Variants in MAGI2 observed in about 807,000 individuals in gnomAD.
MAGI2 encodes the protein membrane-associated guanylate kinase, WW and PDZ domain-containing protein 2.
In MAGI2, 35 loss-of-function variants were observed where a neutral mutation model predicts 133.3. The ratio of observed to expected loss-of-function variants is 0.26; its 90% CI spans 0.20 to 0.35. The LOEUF is 0.35. MAGI2 is among the 10% of genes least tolerant of loss of function. The pLI is 1.00. For missense variants in MAGI2, 1,636 were observed against 1,863.4 expected (o/e 0.88, Z 2.25); for synonymous variants, 729 against 710.6 (o/e 1.03, Z -0.41).
chr7:78,920,807 A>G (rs998831279), intron 2 of MAGI2, among the ~76,000 whole-genome samples: 1 of 152,168 alleles, frequency 6.6e-6, no homozygotes, highest in Non-Finnish European at 1.5e-5. Flanking sequence ...TGCAGGACGA[A>G]CCACACCTGA....
intron 3 of MAGI2, among the ~76,000 whole-genome samples, chr7:78,573,734 G>T (rs1443425221): frequency 2.0e-5 from 3 of 151,934 alleles, no homozygotes; most frequent in African/African-American, 7.3e-5. Context: ...ATCTGTGCGA[G>T]TGGGTGGGGC....
intron 2 of MAGI2, among the ~76,000 whole-genome samples, chr7:78,935,943 G>A (rs972765933): frequency 2.0e-5 from 3 of 152,094 alleles, no homozygotes; most frequent in African/African-American, 7.2e-5. Context: ...ACCCAGCTGT[G>A]CTGAACTTTT....
rs1414403705 is a variant in MAGI2, at chr7:78,159,928, C to T, written c.2845+97G>A. ...TGGCTTTCAGGCTATACAGTATGTC[C>T]GTGACAGTCTTCTGATATACTTGTC... On this transcript the variant is annotated intron_variant, in intron 16 of 21. Coordinates refer to ENST00000354212, the MANE Select transcript of MAGI2 (RefSeq NM_012301.4). 1.5e-5 allele frequency: 22 copies of T among 1,451,152 alleles called. 1 individual carries two copies. Among genetic ancestry groups the T allele is most frequent in the African/African-American group, 9.9e-5 (7 of 70,724 alleles). 89.9% of individuals were successfully genotyped at this position (1,451,152 alleles called of 1,614,324 possible). A position where few individuals can be genotyped will look rare whatever the true frequency, so the allele number is the denominator to read the frequency against.
chr7:79,395,531 C>T (rs1375565281), intron 1 of MAGI2, among the ~76,000 whole-genome samples: 1 of 152,116 alleles, frequency 6.6e-6, no homozygotes, highest in Non-Finnish European at 1.5e-5. Context: ...CAGAGAGCCC[C>T]AGAGAGGTCT....
intron 10 of MAGI2, among the ~76,000 whole-genome samples, chr7:78,209,221 C>CAAAAAAAAAAAAAAAAAA (rs370809243): frequency 1.9e-4 from 2 of 10,626 alleles, no homozygotes; most frequent in Non-Finnish European, 3.3e-4. Context: ...GACTCTGTCT[C>CAAAAAAAAAAAAAAAAAA]AAAAAAAAAA....
intron 2 of MAGI2, among the ~76,000 whole-genome samples, chr7:78,674,383 A>G (rs9886142): frequency 0.13 from 19,069 of 152,048 alleles, 1,458 homozygotes; most frequent in African/African-American, 0.2. Flanking sequence ...GCAAATACTT[A>G]TGGCATGCCT....
chr7:78,536,140 TCTCG>T (rs1457248792), intron 3 of MAGI2, among the ~76,000 whole-genome samples: 1 of 102,086 alleles, frequency 9.8e-6, no homozygotes, highest in Non-Finnish European at 1.8e-5. Flanking sequence ...TGAGACGGAG[TCTCG>T]CTCTGTCGCC....
At chr7:78,937,596 G>A (rs188916601) in intron 2 of MAGI2, among the ~76,000 whole-genome samples, 290 of 152,150 alleles carry the variant, frequency 1.9e-3, no homozygotes, top group Non-Finnish European at 2.1e-3. Flanking sequence ...TAAAGTTAAC[G>A]TCACCATCAC....
At chr7:79,423,900 T>G (rs1401450139) in intron 1 of MAGI2, among the ~76,000 whole-genome samples, 1 of 152,140 alleles carries the variant, frequency 6.6e-6, no homozygotes, top group Non-Finnish European at 1.5e-5. Context: ...TAGCAACATC[T>G]AGGAAGAGTT....
intron 6 of MAGI2, among the ~76,000 whole-genome samples, chr7:78,391,455 TG>T (rs1442883937): frequency 6.6e-6 from 1 of 152,230 alleles, no homozygotes; most frequent in African/African-American, 2.4e-5. Flanking sequence ...TGAATTGTAA[TG>T]CCATCTGCCA....
At chr7:78,873,933 T>A (rs925366759) in intron 2 of MAGI2, among the ~76,000 whole-genome samples, 1 of 152,156 alleles carries the variant, frequency 6.6e-6, no homozygotes, top group Non-Finnish European at 1.5e-5. Context: ...AGTCATTAAT[T>A]ATTTCCAGAT....
chr7:78,160,623 T>C (rs1010954411), intron 15 of MAGI2, among the ~76,000 whole-genome samples: 1 of 152,160 alleles, frequency 6.6e-6, no homozygotes, highest in African/African-American at 2.4e-5. Flanking sequence ...TTACTGAAGA[T>C]GGTCACAAAA....
chr7:78,058,836 T>C (rs73362606), intron 21 of MAGI2, among the ~76,000 whole-genome samples: 21,429 of 152,172 alleles, frequency 0.14, 1,617 homozygotes, highest in African/African-American at 0.19. Flanking sequence ...TCTTGAAAGG[T>C]TGCACAGCTA....
chr7:78,924,442 A>T (rs1799521854), intron 2 of MAGI2, among the ~76,000 whole-genome samples: 1 of 152,080 alleles, frequency 6.6e-6, no homozygotes, highest in African/African-American at 2.4e-5. Flanking sequence ...TTCTGCATCT[A>T]TTGAGATAAT....
intron 1 of MAGI2, among the ~76,000 whole-genome samples, chr7:79,076,332 C>T (rs750987312): frequency 6.6e-5 from 10 of 152,168 alleles, no homozygotes; most frequent in Admixed American, 1.3e-4. Flanking sequence ...GAGGACACCT[C>T]GTGGTCTCTG....
At chr7:79,281,620 A>G (rs1835647504) in intron 1 of MAGI2, among the ~76,000 whole-genome samples, 2 of 152,216 alleles carry the variant, frequency 1.3e-5, no homozygotes, top group African/African-American at 2.4e-5. Flanking sequence ...CTGCATATTA[A>G]GAGGTGGACA....
chr7:78,654,736 TATATATATATATAG>T (rs1226984037), intron 2 of MAGI2, among the ~76,000 whole-genome samples: 28 of 68,654 alleles, frequency 4.1e-4, no homozygotes, highest in East Asian at 2.0e-3. Flanking sequence ...TATATATATA[TATATATATATATAG>T]CATATATTTT....
chr7:78,857,133 T>C (rs527976958), intron 2 of MAGI2, among the ~76,000 whole-genome samples: 5 of 152,260 alleles, frequency 3.3e-5, no homozygotes, highest in Non-Finnish European at 4.4e-5. Context: ...AGTTGCTTAT[T>C]AGCTTAAGGA....
intron 3 of MAGI2, among the ~76,000 whole-genome samples, chr7:78,566,119 C>G (rs373769682): frequency 6.6e-6 from 1 of 152,102 alleles, no homozygotes; most frequent in African/African-American, 2.4e-5. Context: ...GAGATGGCCC[C>G]GTTGATGACA....
Sources: allele counts gnomAD v4.1 joint callset (sites outside exome capture counted in the v4.1 genomes callset), GRCh38; gene constraint gnomAD v4.1.1; transcripts MANE v1.5; gene names NCBI Gene and HGNC (gene_info 2026-07-23, HGNC 2026-07-21).